CNOT1: variants seen among roughly 807,000 people sequenced by gnomAD.
The protein encoded by CNOT1 is CCR4-associated factor 1.
CNOT1 carries 15 observed loss-of-function variants against 273.8 expected under a neutral mutation model. The ratio of observed to expected loss-of-function variants is 0.05; its 90% CI spans 0.04 to 0.08. The LOEUF (loss-of-function observed/expected upper bound fraction) is 0.08. Among genes scored for constraint, CNOT1 ranks in the 10% least tolerant of loss-of-function variants. CNOT1 has a pLI of 1.00. For missense variants in CNOT1, 1,644 were observed against 2,912.2 expected (o/e 0.56, Z 10.02); for synonymous variants, 1,022 against 1,005.5 (o/e 1.02, Z -0.31).
intron 16 of CNOT1, among the ~76,000 whole-genome samples, chr16:58,571,411 T>C (rs2041269573): frequency 1.3e-5 from 2 of 151,248 alleles, no homozygotes; most frequent in Admixed American, 1.3e-4. Flanking sequence ...CAAAAAAAAA[T>C]TAGCTGGAAA....
intron 1 of CNOT1, among the ~76,000 whole-genome samples, chr16:58,615,983 A>G (rs1378874276): frequency 1.7e-5 from 2 of 120,424 alleles, no homozygotes; most frequent in East Asian, 3.9e-4. Context: ...GCTACTAGAG[A>G]GGCTGAAGGG....
intron 22 of CNOT1, among the ~76,000 whole-genome samples, chr16:58,552,379 T>C (rs2151932026): frequency 6.6e-6 from 1 of 152,284 alleles, no homozygotes; most frequent in South Asian, 2.1e-4. Context: ...GGGACATTTC[T>C]CAAGTAGGAA....
chr16:58,577,384 T>G (rs558474737), intron 13 of CNOT1, among the ~76,000 whole-genome samples: 1 of 152,208 alleles, frequency 6.6e-6, no homozygotes, highest in Non-Finnish European at 1.5e-5. Context: ...ATGTTTATCA[T>G]GCATTTTGTA....
In CNOT1 at chr16:58,555,392, A is replaced by G; in HGVS notation, c.2750T>C (p.Phe917Ser). The change falls in exon 21 of 49, where the codon TTT becomes TCT. Residue 917 changes from phenylalanine (F) to serine (S), a missense_variant. Coordinates refer to ENST00000317147, the MANE Select transcript of CNOT1 (RefSeq NM_016284.5). Reference sequence around the variant, plus strand: ...CAGTCCTTTCTCAATTATACCACCAAATAGGCAGGCTGTTATATGTAACTC... The same window carrying G: ...CAGTCCTTTCTCAATTATACCACCAGATAGGCAGGCTGTTATATGTAACTC... ...DKELHITACL[F>S]GGIIEKGLVT... 1 of 1,614,214 alleles carries G rather than the reference A, an allele frequency of 6.2e-7. No homozygotes were observed.
At chr16:58,598,129 T>C (rs995536835) in intron 2 of CNOT1, among the ~76,000 whole-genome samples, 1 of 149,146 alleles carries the variant, frequency 6.7e-6, no homozygotes, top group Non-Finnish European at 1.5e-5. Context: ...CCGGGCGCAG[T>C]GGCTCACACC....
intron 1 of CNOT1, among the ~76,000 whole-genome samples, chr16:58,621,493 A>G (rs1007396141): frequency 6.0e-5 from 9 of 150,984 alleles, no homozygotes; most frequent in Non-Finnish European, 1.3e-4. Context: ...AGCTGGTCTC[A>G]AACTCCCGAC....
intron 22 of CNOT1, among the ~76,000 whole-genome samples, chr16:58,552,176 T>TA (rs1457733035): frequency 6.6e-6 from 1 of 150,886 alleles, no homozygotes; most frequent in Non-Finnish European, 1.5e-5. Flanking sequence ...CCAAAGGCCT[T>TA]AAAAAACAAA....
At position 58,546,626 on chromosome 16, in the gene CNOT1, T is replaced by C. The variant is rs173475; in HGVS notation, c.3828+46A>G. 0.26 allele frequency: 420,940 copies of C among 1,612,910 alleles called. 57,539 individuals carry two copies. Among genetic ancestry groups the C allele is most frequent in the Admixed American group, 0.42 (24,885 of 59,854 alleles). ...CTGCCTTCACTGTAAGTTTTAATAA[T>C]GTGAAGGCAAAGAATGTTCCAGAGG... On this transcript the variant is annotated intron_variant, in intron 28 of 48. Transcript: ENST00000317147.
At chr16:58,532,624 G>A in intron 40 of CNOT1, 1 of 638,032 alleles carries the variant, frequency 1.6e-6, no homozygotes, top group Non-Finnish European at 2.4e-6. Context: ...GACCACACCT[G>A]AATATTCTCC....
In CNOT1 at chr16:58,594,817, AAAAG is replaced by A. The variant is rs2042192471; in HGVS notation, c.102+4415_102+4418del. 7.9e-5 allele frequency among the ~76,000 whole-genome samples: 12 copies of A among 151,016 alleles called. No homozygotes were observed. In the South Asian group the frequency reaches 2.5e-3, roughly 32 times the overall value. ...ACTGTCTCATTAAAAAAAAAAAAGAAAAAGAAAAAGAAAAAAAGGCTAGGTACAG... is the reference window on the plus strand; with the variant it reads ...ACTGTCTCATTAAAAAAAAAAAAGAAAAAAAGAAAAAAAGGCTAGGTACAG... On this transcript the variant is annotated intron_variant, in intron 2 of 48. Coordinates refer to ENST00000317147, the MANE Select transcript of CNOT1 (RefSeq NM_016284.5).
In CNOT1 at chr16:58,599,677, A is replaced by G. The variant is rs567910648; in HGVS notation, c.-174-166T>C. Among the ~76,000 whole-genome samples, 268 of 152,318 alleles carry G rather than the reference A, an allele frequency of 1.8e-3. 2 individuals are homozygous for G. Among genetic ancestry groups the G allele is most frequent in the African/African-American group, 6.3e-3 (261 of 41,584 alleles). On this transcript the variant is annotated intron_variant, in intron 1 of 48. Coordinates refer to ENST00000317147, the MANE Select transcript of CNOT1 (RefSeq NM_016284.5). ...TACCATCGTCTCTGTGTTAGTACCT[A>G]AAATGTTACTAATGACTCTAAAAAG...
intron 3 of CNOT1, 48 bp from the exon 4 acceptor site, chr16:58,587,926 A>T: frequency 6.5e-7 from 1 of 1,543,430 alleles, no homozygotes. Context: ...ATCATCTAAG[A>T]ACAAACAGAA....
intron 30 of CNOT1, 89 bp from the exon 31 acceptor site, chr16:58,543,992 C>A: frequency 6.8e-7 from 1 of 1,464,936 alleles, no homozygotes; most frequent in Non-Finnish European, 9.0e-7. Context: ...TTTTGTAAAT[C>A]AAGATTAACC....
chr16:58,560,436 A>ATT, intron 16 of CNOT1, 74 bp from the exon 17 acceptor site: 24 of 1,289,518 alleles, frequency 1.9e-5, no homozygotes, highest in Admixed American at 1.4e-4. Context: ...AACCGATCTG[A>ATT]TTTTTTTTTT....
intron 25 of CNOT1, chr16:58,548,632 C>T (rs754657009): frequency 3.9e-6 from 2 of 518,636 alleles, no homozygotes; most frequent in Non-Finnish European, 7.7e-6. Flanking sequence ...AAATATAGTG[C>T]TGGTTCCTAA....
chr16:58,545,305 C>T, intron 30 of CNOT1, 56 bp downstream of exon 30: 1 of 1,593,172 alleles, frequency 6.3e-7, no homozygotes, highest in South Asian at 1.1e-5. Flanking sequence ...GGTGGCCAAA[C>T]AAAATTTACC....
chr16:58,540,144 C>T, intron 34 of CNOT1, 185 bp from the exon 35 acceptor site: 1 of 521,534 alleles, frequency 1.9e-6, no homozygotes, highest in Middle Eastern at 5.2e-4. Context: ...TCAAGTGGCA[C>T]AGTACAAGGC....
In CNOT1 at chr16:58,523,486, C is replaced by T. The variant is rs1410545556; in HGVS notation, c.6801G>A (p.Leu2267=). The change falls in exon 47 of 49, where the codon TTG becomes TTA. Residue 2267 remains leucine, a synonymous_variant. Transcript: ENST00000317147. The part of the protein sequence containing the change: ...DLDTEGRYLF[L]NAIANQLRYP... ...ACCGGAGCTGATTTGCAATTGCATTCAAAAAGAGATAGCGACCTAGAAATT... is the reference window on the plus strand; with the variant it reads ...ACCGGAGCTGATTTGCAATTGCATTTAAAAAGAGATAGCGACCTAGAAATT... The T allele has an allele frequency of 1.2e-6, 2 of 1,613,458 alleles. No homozygotes were observed. Among genetic ancestry groups the T allele is most frequent in the South Asian group, 2.2e-5 (2 of 91,008 alleles).
intron 17 of CNOT1, 117 bp downstream of exon 17, chr16:58,560,095 C>T: frequency 6.5e-7 from 1 of 1,528,996 alleles, no homozygotes; most frequent in Non-Finnish European, 8.8e-7. Context: ...TAAGTGGATG[C>T]TAGACATGCA....
Sources: allele counts gnomAD v4.1 joint callset (sites outside exome capture counted in the v4.1 genomes callset), GRCh38; gene constraint gnomAD v4.1.1; transcripts MANE v1.5; gene names NCBI Gene and HGNC (gene_info 2026-07-23, HGNC 2026-07-21).